Variants in SERPINI1 observed in about 807,000 individuals in gnomAD.
SERPINI1 encodes the protein neuroserpin.
Under a neutral mutation model 41.1 loss-of-function variants are expected in SERPINI1, and 19 were observed. That is an observed-to-expected ratio of 0.46 (90% confidence interval 0.32 to 0.68). The LOEUF (loss-of-function observed/expected upper bound fraction) is 0.68. Among genes scored for constraint, SERPINI1 ranks in the 30% least tolerant of loss-of-function variants. SERPINI1 has a pLI of 0.03. For synonymous variants in SERPINI1, 138 were observed against 156.6 expected (o/e 0.88, Z 0.89); for missense variants, 460 against 479.2 (o/e 0.96, Z 0.37).
intron 1 of SERPINI1, among the ~76,000 whole-genome samples, chr3:167,760,722 A>G (rs1323058821): frequency 6.6e-6 from 1 of 152,088 alleles, no homozygotes; most frequent in African/African-American, 2.4e-5. Context: ...GATTACCTGA[A>G]CTTGTCCTTT....
chr3:167,758,195 T>C (rs1364949200), intron 1 of SERPINI1, among the ~76,000 whole-genome samples: 3 of 152,294 alleles, frequency 2.0e-5, no homozygotes, highest in African/African-American at 7.2e-5. Context: ...CATTTTTTCT[T>C]GTCTAAGCTT....
intron 1 of SERPINI1, among the ~76,000 whole-genome samples, chr3:167,767,408 A>T (rs1249571143): frequency 1.3e-5 from 2 of 152,236 alleles, no homozygotes; most frequent in Non-Finnish European, 2.9e-5. Flanking sequence ...ATGGAAATGT[A>T]CATGGAGATT....
intron 1 of SERPINI1, among the ~76,000 whole-genome samples, chr3:167,770,512 A>G (rs999535316): frequency 1.3e-5 from 2 of 151,930 alleles, no homozygotes; most frequent in African/African-American, 4.8e-5. Context: ...TTATTCCTCA[A>G]AATTTTCTTT....
Position 167,794,651 on chromosome 3 carries a change from T to G in SERPINI1, c.708T>G (p.Gly236=), listed in dbSNP as rs759657027. 1.9e-6 allele frequency: 3 copies of G among 1,613,562 alleles called. No homozygotes were observed. Among genetic ancestry groups the G allele is most frequent in the South Asian group, 2.2e-5 (2 of 91,054 alleles). The change falls in exon 5 of 9, where the codon GGT becomes GGG. Residue 236 remains glycine, a synonymous_variant. Transcript: ENST00000446050. ...TTAGTGATGGCTCCAATGAAGCTGG[T>G]GGTATCTACCAAGTCCTAGAAATAC... The part of the protein sequence containing the change: ...GEFSDGSNEA[G]GIYQVLEIPY...
At chr3:167,799,428 T>G (rs1007171316) in intron 5 of SERPINI1, among the ~76,000 whole-genome samples, 3 of 152,212 alleles carry the variant, frequency 2.0e-5, no homozygotes, top group African/African-American at 7.2e-5. Context: ...ACATTTTCTT[T>G]ATCCAGTCTA....
At chr3:167,815,736 G>A (rs1490031865) in intron 6 of SERPINI1, among the ~76,000 whole-genome samples, 2 of 152,088 alleles carry the variant, frequency 1.3e-5, no homozygotes, top group Admixed American at 6.6e-5. Context: ...ATGGGATGGT[G>A]TTTTTCTGAA....
chr3:167,789,347 C>A lies in SERPINI1; in HGVS notation c.219C>A (p.Arg73=). Residue 73 remains arginine (R), a synonymous_variant, in exon 2 of 9, where the codon CGC becomes CGA. Transcript: ENST00000446050. The part of the protein sequence containing the change: ...GAQGSTQKEI[R]HSMGYDSLKN... ...AAGGATCTACCCAGAAAGAAATCCG[C>A]CACTCAATGGGATATGACAGCCTAA... 1.2e-6 allele frequency: 2 copies of A among 1,614,138 alleles called. No homozygotes were observed. Among genetic ancestry groups the A allele is most frequent in the Non-Finnish European group, 1.7e-6 (2 of 1,179,992 alleles).
intron 3 of SERPINI1, among the ~76,000 whole-genome samples, chr3:167,792,344 C>CACACACATATATATAT (rs1341689108): frequency 6.9e-6 from 1 of 145,104 alleles, no homozygotes; most frequent in Non-Finnish European, 1.5e-5. Context: ...TATATATATA[C>CACACACATATATATAT]ACACACATAT....
intron 1 of SERPINI1, among the ~76,000 whole-genome samples, chr3:167,755,942 C>G (rs900649136): frequency 1.3e-5 from 2 of 151,840 alleles, no homozygotes; most frequent in Admixed American, 1.3e-4. Flanking sequence ...CAGCCATGAC[C>G]CTGACTAGCT....
intron 1 of SERPINI1, among the ~76,000 whole-genome samples, chr3:167,759,755 A>G (rs749271802): frequency 2.0e-5 from 3 of 152,196 alleles, no homozygotes; most frequent in African/African-American, 4.8e-5. Flanking sequence ...CTCCACATGT[A>G]CTCCCTGAAA....
At chr3:167,767,184 T>C (rs1189344333) in intron 1 of SERPINI1, among the ~76,000 whole-genome samples, 1 of 152,192 alleles carries the variant, frequency 6.6e-6, no homozygotes, top group Non-Finnish European at 1.5e-5. Flanking sequence ...CATTTACCAT[T>C]TGGATAATCT....
intron 1 of SERPINI1, among the ~76,000 whole-genome samples, chr3:167,740,844 C>CTTTAGATTG (rs1305460384): frequency 1.3e-5 from 2 of 150,854 alleles, no homozygotes; most frequent in East Asian, 4.0e-4. Context: ...TAAAGATGTG[C>CTTTAGATTG]TTTTATGTAA....
intron 1 of SERPINI1, among the ~76,000 whole-genome samples, chr3:167,743,104 T>A (rs749318551): frequency 6.6e-6 from 1 of 152,120 alleles, no homozygotes; most frequent in African/African-American, 2.4e-5. Context: ...CCATATAGAC[T>A]GCATTAAAAA....
At chr3:167,818,177 C>T (rs1344594771) in intron 6 of SERPINI1, among the ~76,000 whole-genome samples, 1 of 151,928 alleles carries the variant, frequency 6.6e-6, no homozygotes, top group Non-Finnish European at 1.5e-5. Context: ...AGGCACACGC[C>T]ATCACGCCTG....
At chr3:167,764,668 C>CTT (rs1204514779) in intron 1 of SERPINI1, among the ~76,000 whole-genome samples, 1 of 152,198 alleles carries the variant, frequency 6.6e-6, no homozygotes. Flanking sequence ...CCTTCAAAGT[C>CTT]TTAACTCATT....
At chr3:167,813,351 G>T (rs924231696) in intron 6 of SERPINI1, among the ~76,000 whole-genome samples, 2 of 152,118 alleles carry the variant, frequency 1.3e-5, no homozygotes, top group Non-Finnish European at 2.9e-5. Context: ...ATTACTTCTG[G>T]ACAAATCCAG....
intron 5 of SERPINI1, among the ~76,000 whole-genome samples, chr3:167,804,881 G>T (rs576876455): frequency 6.6e-6 from 1 of 152,144 alleles, no homozygotes; most frequent in African/African-American, 2.4e-5. Flanking sequence ...AGGCATGCTT[G>T]GTCCATGTCT....
intron 1 of SERPINI1, among the ~76,000 whole-genome samples, chr3:167,743,492 T>G (rs1044058794): frequency 1.4e-4 from 22 of 152,152 alleles, no homozygotes; most frequent in African/African-American, 5.3e-4. Flanking sequence ...TTGGCAAAAT[T>G]GTAGTTGTCT....
intron 7 of SERPINI1, among the ~76,000 whole-genome samples, chr3:167,823,907 C>T (rs954947229): frequency 2.0e-5 from 3 of 152,302 alleles, no homozygotes; most frequent in African/African-American, 7.2e-5. Context: ...ATGAGGATCT[C>T]AGGGGAATTT....
Sources: allele counts gnomAD v4.1 joint callset (sites outside exome capture counted in the v4.1 genomes callset), GRCh38; gene constraint gnomAD v4.1.1; transcripts MANE v1.5; gene names NCBI Gene and HGNC (gene_info 2026-07-23, HGNC 2026-07-21).